Variants in DGKI observed in about 807,000 individuals in gnomAD.
DGKI encodes DAG kinase iota.
DGKI carries 55 observed loss-of-function variants against 147.5 expected under a neutral mutation model. The observed-to-expected ratio is 0.37, with a 90% CI of 0.30 to 0.47. DGKI has a LOEUF of 0.47. Among genes scored for constraint, DGKI ranks in the 20% least tolerant of loss-of-function variants. DGKI has a pLI of 1.00. For synonymous variants in DGKI, 469 were observed against 477.1 expected (o/e 0.98, Z 0.22); for missense variants, 1,007 against 1,323.8 (o/e 0.76, Z 3.71).
At chr7:137,734,204 T>C (rs1376085936) in intron 1 of DGKI, among the ~76,000 whole-genome samples, 1 of 152,036 alleles carries the variant, frequency 6.6e-6, no homozygotes, top group African/African-American at 2.4e-5. Context: ...TTGGGGAGTC[T>C]AATTTTAGCA....
intron 21 of DGKI, among the ~76,000 whole-genome samples, chr7:137,507,963 C>T (rs989958851): frequency 6.6e-6 from 1 of 152,038 alleles, no homozygotes; most frequent in African/African-American, 2.4e-5. Flanking sequence ...CTCAGACCAC[C>T]CTTAGGCTCT....
intron 20 of DGKI, among the ~76,000 whole-genome samples, chr7:137,533,091 T>C (rs1214609318): frequency 6.6e-6 from 1 of 152,096 alleles, no homozygotes; most frequent in Non-Finnish European, 1.5e-5. Context: ...AGTTTGAGAC[T>C]ACCCTGAAAA....
intron 1 of DGKI, among the ~76,000 whole-genome samples, chr7:137,796,131 C>T (rs1185699135): frequency 3.3e-5 from 5 of 152,134 alleles, no homozygotes; most frequent in Admixed American, 2.6e-4. Context: ...GGTCCATACA[C>T]ATGAAGGAAA....
At chr7:137,515,620 G>T (rs1355078112) in intron 21 of DGKI, among the ~76,000 whole-genome samples, 3 of 151,940 alleles carry the variant, frequency 2.0e-5, no homozygotes, top group Admixed American at 6.6e-5. Flanking sequence ...GTACTACTTG[G>T]AGGAAGCAGA....
Position 137,577,224 on chromosome 7 carries a change from C to T in DGKI, c.1759G>A (p.Val587Ile). 6.3e-7 allele frequency: 1 copy of T among 1,589,950 alleles called. No homozygotes were observed. Among genetic ancestry groups the T allele is most frequent in the Non-Finnish European group, 8.6e-7 (1 of 1,163,250 alleles). The change falls in exon 17 of 33, where the codon GTT becomes ATT. Residue 587 changes from valine (V) to isoleucine (I), a missense_variant and splice_region_variant. Around this residue, in one of 5 missense-constraint regions of DGKI, gnomAD observed 224 missense variants for 382.7 expected, o/e 0.59. Transcript: ENST00000614521. ...SRDLSKHVKV[V>I]CDGTDLTPKI... is the part of the protein sequence containing the mutation. ...AAATCAACATATTCAATACTTACAA[C>T]AACTTTAACATGTTTGGATAGATCT...
At chr7:137,725,121 TG>T (rs2116635422) in intron 1 of DGKI, among the ~76,000 whole-genome samples, 1 of 152,274 alleles carries the variant, frequency 6.6e-6, no homozygotes, top group African/African-American at 2.4e-5. Context: ...AGGTATTCTG[TG>T]GGTATTATCC....
At chr7:137,487,763 G>T (rs529970041) in intron 21 of DGKI, 74 bp from the exon 22 acceptor site, 2 of 1,383,958 alleles carry the variant, frequency 1.4e-6, no homozygotes, top group Non-Finnish European at 2.0e-6. Context: ...TGTGTTTCTC[G>T]TGGTTAAAAA....
chr7:137,453,582 C>G (rs925875897), intron 27 of DGKI, among the ~76,000 whole-genome samples: 1 of 152,144 alleles, frequency 6.6e-6, no homozygotes, highest in Non-Finnish European at 1.5e-5. Flanking sequence ...AGCAAACACA[C>G]AGAGTGGCAT....
chr7:137,683,092 T>C (rs746708057), intron 2 of DGKI, among the ~76,000 whole-genome samples: 31 of 152,142 alleles, frequency 2.0e-4, no homozygotes, highest in Non-Finnish European at 4.4e-4. Flanking sequence ...TACCCCCAAT[T>C]ACTTACTATA....
At chr7:137,438,304 T>TA (rs1813360146) in intron 28 of DGKI, among the ~76,000 whole-genome samples, 1 of 152,042 alleles carries the variant, frequency 6.6e-6, no homozygotes, top group African/African-American at 2.4e-5. Context: ...TAAACACAAA[T>TA]GGCCCATAAG....
intron 21 of DGKI, among the ~76,000 whole-genome samples, chr7:137,509,753 A>G (rs1347444620): frequency 6.6e-6 from 1 of 152,214 alleles, no homozygotes; most frequent in African/African-American, 2.4e-5. Flanking sequence ...TTGGGGAAAG[A>G]AAATTCTGAA....
intron 23 of DGKI, among the ~76,000 whole-genome samples, chr7:137,473,383 A>G (rs1447591379): frequency 6.6e-6 from 1 of 152,130 alleles, no homozygotes; most frequent in Non-Finnish European, 1.5e-5. Context: ...AGGTTCAACA[A>G]TTCTTGAACT....
intron 21 of DGKI, among the ~76,000 whole-genome samples, chr7:137,520,191 A>C (rs796234825): frequency 3.3e-5 from 5 of 152,232 alleles, no homozygotes; most frequent in African/African-American, 9.6e-5. Context: ...TTTCAGCTAA[A>C]AATTTCAAAT....
At chr7:137,420,641 G>T (rs1812529313) in intron 28 of DGKI, among the ~76,000 whole-genome samples, 1 of 151,982 alleles carries the variant, frequency 6.6e-6, no homozygotes, top group Non-Finnish European at 1.5e-5. Context: ...AAAAAGAAAA[G>T]CAGGGGGAAG....
At chr7:137,822,870 T>C (rs1797944190) in intron 1 of DGKI, among the ~76,000 whole-genome samples, 1 of 150,926 alleles carries the variant, frequency 6.6e-6, no homozygotes, top group Admixed American at 6.6e-5. Context: ...CACAAAAAAT[T>C]TAAAAATCCA....
chr7:137,406,990 C>T (rs1290962861), intron 30 of DGKI, among the ~76,000 whole-genome samples: 1 of 141,374 alleles, frequency 7.1e-6, no homozygotes, highest in Admixed American at 7.1e-5. Context: ...TGCTTACTAT[C>T]TACAGGCTGA....
At chr7:137,446,303 G>T (rs1358771025) in intron 27 of DGKI, among the ~76,000 whole-genome samples, 1 of 152,198 alleles carries the variant, frequency 6.6e-6, no homozygotes, top group Admixed American at 6.5e-5. Flanking sequence ...AGAGTGTTTT[G>T]TGAAAATTAG....
Position 137,571,259 on chromosome 7 carries a change from TC to T in DGKI, c.1862del (p.Gly621GlufsTer50). ...CGAAATCATGGTGATCACCTGGGTT[TC>T]CCCAGGGCATTGTGCCAGCACAATA... Reference protein sequence around the residue: ...PRYCAGTMPWGNPGDHHDFEP... With the variant: ...PRYCAGTMPWXNPGDHHDFEP... On this transcript the variant is annotated frameshift_variant, in exon 19 of 33. Coordinates refer to ENST00000614521, the MANE Select transcript of DGKI (RefSeq NM_001321708.2). LOFTEE classifies it high-confidence loss of function. 6.2e-7 allele frequency: 1 copy of T among 1,612,690 alleles called. No individual in the cohort carries two copies. Among genetic ancestry groups the T allele is most frequent in the Admixed American group, 1.7e-5 (1 of 59,574 alleles).
In DGKI at chr7:137,828,371, G is replaced by A. The variant is rs565116417; in HGVS notation, c.401+18091C>T. 1.6e-3 allele frequency among the ~76,000 whole-genome samples: 243 copies of A among 152,130 alleles called. 2 individuals are homozygous for A. The highest frequency in any genetic ancestry group is 5.5e-3 in the African/African-American group (227 of 41,502). ...CTTACAACTTAGGTAAGTTTTTATCGAGAGGATTCCTCATGCTATAAAACA... is the reference window on the plus strand; with the variant it reads ...CTTACAACTTAGGTAAGTTTTTATCAAGAGGATTCCTCATGCTATAAAACA... On this transcript the variant is annotated intron_variant, in intron 1 of 32. Coordinates refer to ENST00000614521, the MANE Select transcript of DGKI (RefSeq NM_001321708.2).
Sources: allele counts gnomAD v4.1 joint callset (sites outside exome capture counted in the v4.1 genomes callset), GRCh38; gene constraint gnomAD v4.1.1; regional missense constraint gnomAD v4.1.1; transcripts MANE v1.5; gene names NCBI Gene and HGNC (gene_info 2026-07-23, HGNC 2026-07-21).